LHFPL2: variants seen among roughly 807,000 people sequenced by gnomAD.
The protein encoded by LHFPL2 is LHFPL tetraspan subfamily member 2.
Under a neutral mutation model 17.5 loss-of-function variants are expected in LHFPL2, and 7 were observed. The observed-to-expected ratio is 0.40, with a 90% CI of 0.23 to 0.75. The LOEUF (loss-of-function observed/expected upper bound fraction) is 0.75, where lower values mean the gene tolerates loss of function less well. Among genes scored for constraint, LHFPL2 ranks in the 30% least tolerant of loss-of-function variants. The pLI is 0.37. For synonymous variants in LHFPL2, 134 were observed against 116.2 expected, an observed-to-expected ratio of 1.15 and a Z score of -0.99; for missense variants, 241 against 294.8, an observed-to-expected ratio of 0.82 and a Z score of 1.34.
intron 2 of LHFPL2, among the ~76,000 whole-genome samples, chr5:78,574,289 C>A (rs1757074320): frequency 6.6e-6 from 1 of 152,202 alleles, no homozygotes; most frequent in African/African-American, 2.4e-5. Context: ...CAGGCCCAGC[C>A]CTCCAGCAGC....
At chr5:78,633,952 A>G (rs538570986) in intron 1 of LHFPL2, among the ~76,000 whole-genome samples, 9 of 152,298 alleles carry the variant, frequency 5.9e-5, no homozygotes, top group Admixed American at 2.0e-4. Flanking sequence ...TGGTTTTATT[A>G]GAGGGTCAAG....
chr5:78,505,509 T>C (rs1042813656), intron 4 of LHFPL2, among the ~76,000 whole-genome samples: 1 of 152,194 alleles, frequency 6.6e-6, no homozygotes, highest in Admixed American at 6.5e-5. Context: ...TCAATTTGAC[T>C]GCTCTCTCCT....
chr5:78,603,510 T>G (rs554589168), intron 2 of LHFPL2, among the ~76,000 whole-genome samples: 1 of 152,146 alleles, frequency 6.6e-6, no homozygotes, highest in African/African-American at 2.4e-5. Flanking sequence ...GTCCATACCC[T>G]TTACCAGAAA....
chr5:78,610,354 G>A (rs1044459141), intron 2 of LHFPL2, among the ~76,000 whole-genome samples: 1 of 152,232 alleles, frequency 6.6e-6, no homozygotes, highest in Non-Finnish European at 1.5e-5. Context: ...GAAAAGGTCT[G>A]GGAGAAGAGA....
At chr5:78,584,115 C>G (rs1216530611) in intron 2 of LHFPL2, among the ~76,000 whole-genome samples, 73 of 150,530 alleles carry the variant, frequency 4.8e-4, no homozygotes, top group African/African-American at 1.7e-3. Flanking sequence ...AGTTCTCGAG[C>G]CTTGGTTTTC....
chr5:78,525,816 C>T (rs1050492725), intron 3 of LHFPL2, among the ~76,000 whole-genome samples: 13 of 152,156 alleles, frequency 8.5e-5, no homozygotes, highest in Non-Finnish European at 1.5e-4. Context: ...TGGTGAGTAT[C>T]TAAATAGCTG....
intron 2 of LHFPL2, among the ~76,000 whole-genome samples, chr5:78,575,154 A>C (rs13436853): frequency 0.42 from 64,376 of 151,990 alleles, 13,778 homozygotes; most frequent in Middle Eastern, 0.49. Context: ...GGCAACCCCC[A>C]CAGGGCAGCA....
At position 78,487,169 on chromosome 5, in the gene LHFPL2, C is replaced by G. The variant is rs945567234; in HGVS notation, c.*1728G>C. 2.0e-4 allele frequency: 31 copies of G among 152,148 alleles called. No individual in the cohort carries two copies. The highest frequency in any genetic ancestry group is 7.5e-4 in the African/African-American group (31 of 41,436). 9.4% of individuals were successfully genotyped at this position (152,148 alleles called of 1,614,324 possible). ...TTAAGGCTAGTTCCACACCTCCCAC[C>G]CCTTTTGCCCTTAGCCCTTAATCTG... On this transcript the variant is annotated 3_prime_UTR_variant, in exon 5 of 5. Transcript: ENST00000380345.
chr5:78,632,802 G>GGT (rs1745300773), intron 1 of LHFPL2, among the ~76,000 whole-genome samples: 1 of 152,142 alleles, frequency 6.6e-6, no homozygotes, highest in African/African-American at 2.4e-5. Flanking sequence ...AAAATACAAG[G>GGT]GTATATATGA....
At chr5:78,571,640 C>T (rs1757003335) in intron 2 of LHFPL2, among the ~76,000 whole-genome samples, 1 of 152,190 alleles carries the variant, frequency 6.6e-6, no homozygotes, top group African/African-American at 2.4e-5. Context: ...CCCCAAATCA[C>T]AGATATTCAT....
chr5:78,607,859 A>C (rs370680465), intron 2 of LHFPL2, among the ~76,000 whole-genome samples: 5 of 152,354 alleles, frequency 3.3e-5, no homozygotes, highest in African/African-American at 9.6e-5. Flanking sequence ...TGCAAAGTCT[A>C]TCTTTGGTAG....
chr5:78,512,485 C>T (rs1219509580), intron 3 of LHFPL2, among the ~76,000 whole-genome samples: 1 of 151,636 alleles, frequency 6.6e-6, no homozygotes, highest in Non-Finnish European at 1.5e-5. Flanking sequence ...TAGTACCAAA[C>T]AGAAAGCCTT....
chr5:78,492,649 TCA>T (rs1251959612), intron 4 of LHFPL2, among the ~76,000 whole-genome samples: 1 of 152,188 alleles, frequency 6.6e-6, no homozygotes, highest in African/African-American at 2.4e-5. Context: ...TGCTCCTGGC[TCA>T]GTTTGTGAAT....
At chr5:78,635,808 C>CAAAA (rs569681655) in intron 1 of LHFPL2, among the ~76,000 whole-genome samples, 1 of 150,850 alleles carries the variant, frequency 6.6e-6, no homozygotes, top group Non-Finnish European at 1.5e-5. Flanking sequence ...GTCTCAAAAA[C>CAAAA]AAACAAACAA....
chr5:78,510,226 G>T lies in LHFPL2; in HGVS notation c.-13C>A, dbSNP rs774308475. ...TGACATGACACATATTGATGTTCCG[G>T]GCGAAGAAAGAGTCAGGAGTCCACG... On this transcript the variant is annotated 5_prime_UTR_variant, in exon 4 of 5. Transcript: ENST00000380345. 6.4e-7 allele frequency: 1 copy of T among 1,568,158 alleles called. No individual in the cohort carries two copies.
At chr5:78,550,241 C>T (rs1756401471) in intron 3 of LHFPL2, among the ~76,000 whole-genome samples, 1 of 152,200 alleles carries the variant, frequency 6.6e-6, no homozygotes, top group Admixed American at 6.5e-5. Context: ...GCTCATCCAT[C>T]TTCACAACCA....
intron 2 of LHFPL2, among the ~76,000 whole-genome samples, chr5:78,611,075 G>A (rs1744408994): frequency 6.6e-6 from 1 of 152,200 alleles, no homozygotes; most frequent in African/African-American, 2.4e-5. Context: ...GACAGACAAA[G>A]GAGGTATAAA....
intron 2 of LHFPL2, among the ~76,000 whole-genome samples, chr5:78,603,438 T>G (rs184665311): frequency 4.5e-4 from 68 of 152,384 alleles, no homozygotes; most frequent in Non-Finnish European, 7.5e-4. Flanking sequence ...TCTCATTATA[T>G]GTCCTCAGAG....
intron 2 of LHFPL2, among the ~76,000 whole-genome samples, chr5:78,575,790 G>T (rs547231173): frequency 6.6e-6 from 1 of 152,318 alleles, no homozygotes; most frequent in Non-Finnish European, 1.5e-5. Context: ...AGGGAAGATA[G>T]TGTAATTTAG....
Sources: allele counts gnomAD v4.1 joint callset (sites outside exome capture counted in the v4.1 genomes callset), GRCh38; gene constraint gnomAD v4.1.1; transcripts MANE v1.5; gene names NCBI Gene and HGNC (gene_info 2026-07-23, HGNC 2026-07-21).